Variants in SLC38A9 observed in about 807,000 individuals in gnomAD.
SLC38A9 encodes neutral amino acid transporter 9.
In SLC38A9, 48 loss-of-function variants were observed where a neutral mutation model predicts 62.3. That is an observed-to-expected ratio of 0.77 (90% CI 0.61 to 0.98). SLC38A9 has a LOEUF of 0.98. SLC38A9 is among the 50% of genes least tolerant of loss of function. The probability of loss-of-function intolerance (pLI) is 0.00; values close to 1 mark genes in which losing one functional copy is unlikely to be tolerated. For missense variants in SLC38A9, 541 were observed against 679.8 expected, an observed-to-expected ratio of 0.80 and a Z score of 2.27; for synonymous variants, 204 against 227.7, an observed-to-expected ratio of 0.90 and a Z score of 0.94.
chr5:55,710,086 G>GAAAAAAAAAAAAAAAA (rs11394301), intron 2 of SLC38A9, among the ~76,000 whole-genome samples: 1 of 118,904 alleles, frequency 8.4e-6, no homozygotes, highest in African/African-American at 3.2e-5. Flanking sequence ...AAAAAAAAAA[G>GAAAAAAAAAAAAAAAA]AAAAAAAAAA....
chr5:55,642,287 C>T (rs187692651), intron 12 of SLC38A9, among the ~76,000 whole-genome samples: 9 of 152,322 alleles, frequency 5.9e-5, no homozygotes, highest in Admixed American at 2.6e-4. Context: ...CCTTGTGATC[C>T]GCCCGCCTCA....
At chr5:55,656,622 C>A in intron 9 of SLC38A9, 93 bp downstream of exon 9, 1 of 821,644 alleles carries the variant, frequency 1.2e-6, no homozygotes, top group South Asian at 1.5e-5. Context: ...TTCTACTAAT[C>A]GTTTACCTAA....
At chr5:55,695,583 G>T in intron 3 of SLC38A9, among the ~76,000 whole-genome samples, 1 of 102,382 alleles carries the variant, frequency 9.8e-6, no homozygotes, top group Non-Finnish European at 2.2e-5. Flanking sequence ...CAGGGTTGGG[G>T]GTAAGGTCAC....
chr5:55,644,705 C>CT (rs1319284011), intron 12 of SLC38A9, among the ~76,000 whole-genome samples: 15 of 152,196 alleles, frequency 9.9e-5, no homozygotes, highest in Non-Finnish European at 2.2e-4. Context: ...AGGCGTGAGC[C>CT]ACCATGCCCA....
intron 8 of SLC38A9, among the ~76,000 whole-genome samples, chr5:55,664,394 A>G (rs1366711423): frequency 3.3e-5 from 5 of 152,120 alleles, no homozygotes; most frequent in Admixed American, 6.6e-5. Flanking sequence ...GAGTCTACAT[A>G]CCAAATTCTT....
intron 12 of SLC38A9, among the ~76,000 whole-genome samples, chr5:55,638,292 G>A (rs1435991662): frequency 2.0e-5 from 3 of 152,106 alleles, no homozygotes; most frequent in Non-Finnish European, 4.4e-5. Context: ...TAGGCCTAAA[G>A]ATATAGCCTA....
intron 2 of SLC38A9, among the ~76,000 whole-genome samples, chr5:55,706,199 C>T (rs1026880270): frequency 6.6e-6 from 1 of 152,136 alleles, no homozygotes; most frequent in African/African-American, 2.4e-5. Context: ...CTTCCAGTGG[C>T]AGTGAAACAA....
intron 3 of SLC38A9, among the ~76,000 whole-genome samples, chr5:55,687,264 A>G (rs921508082): frequency 4.6e-5 from 7 of 150,544 alleles, no homozygotes; most frequent in African/African-American, 1.5e-4. Context: ...CGTCTCTACT[A>G]AAAATACAAA....
intron 3 of SLC38A9, chr5:55,673,214 T>C (rs1299067523): frequency 6.5e-6 from 1 of 153,094 alleles, no homozygotes; most frequent in Non-Finnish European, 1.5e-5. Context: ...AGATCCCTTA[T>C]GAGACTTATC....
At chr5:55,628,209 A>G (rs780276361) in intron 14 of SLC38A9, among the ~76,000 whole-genome samples, 9 of 151,768 alleles carry the variant, frequency 5.9e-5, no homozygotes, top group Admixed American at 1.3e-4. Context: ...GTAGAAGTAC[A>G]CTGGTAGTGT....
intron 3 of SLC38A9, among the ~76,000 whole-genome samples, chr5:55,682,230 C>T (rs1347227772): frequency 6.6e-6 from 1 of 152,112 alleles, no homozygotes; most frequent in African/African-American, 2.4e-5. Flanking sequence ...GCAAAATTTA[C>T]CTCTCACATT....
intron 3 of SLC38A9, among the ~76,000 whole-genome samples, chr5:55,674,973 T>G (rs1280055524): frequency 1.3e-5 from 2 of 152,186 alleles, no homozygotes; most frequent in Non-Finnish European, 2.9e-5. Flanking sequence ...CTTTTTGCTT[T>G]GCAAAAATGA....
intron 12 of SLC38A9, among the ~76,000 whole-genome samples, chr5:55,642,082 G>T (rs1745523291): frequency 6.6e-6 from 1 of 152,006 alleles, no homozygotes; most frequent in South Asian, 2.1e-4. Context: ...TCTCACTCTT[G>T]TCACCCAGGC....
intron 8 of SLC38A9, among the ~76,000 whole-genome samples, chr5:55,663,586 A>G (rs1339151815): frequency 6.6e-6 from 1 of 152,034 alleles, no homozygotes; most frequent in African/African-American, 2.4e-5. Flanking sequence ...TACAAAAATT[A>G]GCTGAGTGTT....
intron 3 of SLC38A9, among the ~76,000 whole-genome samples, chr5:55,681,303 T>A (rs1752966889): frequency 6.6e-6 from 1 of 152,182 alleles, no homozygotes; most frequent in South Asian, 2.1e-4. Context: ...ACTCTTAAAT[T>A]ATGTATATTT....
chr5:55,681,132 A>T (rs542110481), intron 3 of SLC38A9, among the ~76,000 whole-genome samples: 1 of 152,374 alleles, frequency 6.6e-6, no homozygotes, highest in Admixed American at 6.5e-5. Flanking sequence ...AATTTGCAAT[A>T]TATATTACGA....
chr5:55,645,284 G>A (rs1746139290), intron 12 of SLC38A9, among the ~76,000 whole-genome samples: 1 of 152,008 alleles, frequency 6.6e-6, no homozygotes, highest in African/African-American at 2.4e-5. Context: ...CGAATTCCTG[G>A]GCTCAAGTGA....
chr5:55,670,026 G>A (rs2408031), intron 4 of SLC38A9, 147 bp from the exon 5 acceptor site: 357,407 of 567,004 alleles, frequency 0.63, 115,383 homozygotes, highest in South Asian at 0.7. Flanking sequence ...GTGCAGTGAC[G>A]CGATCTCGGC....
In SLC38A9 at chr5:55,669,311, G is replaced by A. The variant is rs750481699; in HGVS notation, c.443C>T (p.Thr148Ile). The A allele has an allele frequency of 6.2e-7, 1 of 1,611,708 alleles. No homozygotes were observed. The highest frequency in any genetic ancestry group is 2.2e-5 in the East Asian group (1 of 44,760). ...IPWGIKQAGF[T>I]TGMCVIILMG... ...CAGTATGATGACACACATTCCAGTAGTAAATCCAGCCTGTTTAAAAATAAA... is the reference window on the plus strand; with the variant it reads ...CAGTATGATGACACACATTCCAGTAATAAATCCAGCCTGTTTAAAAATAAA... Residue 148 changes from threonine to isoleucine, a missense_variant, in exon 7 of 16, where the codon ACT (threonine) becomes ATT (isoleucine). Physicochemically the swap from Thr to Ile is moderately conservative, Grantham distance 89. Coordinates refer to ENST00000396865, the MANE Select transcript of SLC38A9 (RefSeq NM_173514.4).
Sources: gnomAD v4.1 joint callset for allele counts (sites outside exome capture counted in the v4.1 genomes callset) on GRCh38, gnomAD v4.1.1 for gene constraint, MANE v1.5 for transcripts, NCBI Gene and HGNC (gene_info 2026-07-23, HGNC 2026-07-21) for gene names.